The following XRCC4 variants were observed in gnomAD, a reference collection of about 807,000 sequenced individuals.
XRCC4 encodes X-ray repair cross complementing 4, also known as DNA repair protein XRCC4.
Under a neutral mutation model 39.1 loss-of-function variants are expected in XRCC4, and 28 were observed. That is an observed-to-expected ratio of 0.72 (90% CI 0.53 to 0.98). XRCC4 has a LOEUF of 0.98. Among genes scored for constraint, XRCC4 ranks in the 50% least tolerant of loss-of-function variants. The pLI is 0.00. For synonymous variants in XRCC4, 123 were observed against 126.4 expected (o/e 0.97, Z 0.18); for missense variants, 350 against 376.4 (o/e 0.93, Z 0.58).
intron 7 of XRCC4, among the ~76,000 whole-genome samples, chr5:83,284,618 G>A (rs1204407704): frequency 6.6e-6 from 1 of 151,980 alleles, no homozygotes; most frequent in Non-Finnish European, 1.5e-5. Flanking sequence ...GAGCATAGAA[G>A]CTCATAGATG....
At chr5:83,334,073 C>G (rs915175899) in intron 7 of XRCC4, among the ~76,000 whole-genome samples, 3 of 151,922 alleles carry the variant, frequency 2.0e-5, no homozygotes, top group African/African-American at 7.2e-5. Flanking sequence ...CAGCCTAAAC[C>G]TTTTTTTTCT....
intron 7 of XRCC4, among the ~76,000 whole-genome samples, chr5:83,302,644 G>T (rs945360791): frequency 6.6e-6 from 1 of 152,142 alleles, no homozygotes; most frequent in Non-Finnish European, 1.5e-5. Flanking sequence ...CGGCCATCTT[G>T]CCTGGAAACC....
rs527482531 is a variant in XRCC4 at position 83,170,295 on chromosome 5, A to G, written c.316-25475A>G. Among the ~76,000 whole-genome samples the G allele has an allele frequency of 2.6e-5, 4 of 152,320 alleles. No homozygotes were observed. In the South Asian group the frequency reaches 6.2e-4, roughly 24 times the overall value. ...TTTACTATGTAATTTAAAATTTTATATAACACCAGTAGTTATTTCTCTTTG... is the reference window on the plus strand; with the variant it reads ...TTTACTATGTAATTTAAAATTTTATGTAACACCAGTAGTTATTTCTCTTTG... On this transcript the variant is annotated intron_variant, in intron 3 of 7. Transcript: ENST00000396027.
chr5:83,171,793 A>G (rs1272627686), intron 3 of XRCC4, among the ~76,000 whole-genome samples: 1 of 152,124 alleles, frequency 6.6e-6, no homozygotes, highest in African/African-American at 2.4e-5. Context: ...ACATGATTGC[A>G]TTTCAGTTTC....
At chr5:83,087,359 C>G (rs1745229449) in intron 1 of XRCC4, among the ~76,000 whole-genome samples, 1 of 150,772 alleles carries the variant, frequency 6.6e-6, no homozygotes, top group Admixed American at 6.6e-5. Context: ...ATAACAACAG[C>G]CCTATAAAAT....
chr5:83,323,013 T>G lies in XRCC4; in HGVS notation c.894-30118T>G, dbSNP rs567327719. Among the ~76,000 whole-genome samples, 15 of 152,242 alleles carry G rather than the reference T, an allele frequency of 9.9e-5. No individual in the cohort carries two copies. In the South Asian group the frequency reaches 3.1e-3, roughly 32 times the overall value. Reference sequence around the variant, plus strand: ...CAAACACAAAAAATAATTGTTATAGTACAGCAAGAGCCCTATTCGAAGTAT... The same window carrying G: ...CAAACACAAAAAATAATTGTTATAGGACAGCAAGAGCCCTATTCGAAGTAT... On this transcript the variant is annotated intron_variant, in intron 7 of 7. Coordinates refer to ENST00000396027, the MANE Select transcript of XRCC4 (RefSeq NM_003401.5).
intron 7 of XRCC4, chr5:83,310,683 G>A (rs564279157): frequency 2.6e-4 from 109 of 418,974 alleles, no homozygotes; most frequent in African/African-American, 1.5e-3. Context: ...TAGCTTTTAC[G>A]GTAAAACGTA....
intron 1 of XRCC4, among the ~76,000 whole-genome samples, chr5:83,089,918 G>C: frequency 6.6e-6 from 1 of 152,158 alleles, no homozygotes; most frequent in Non-Finnish European, 1.5e-5. Flanking sequence ...CTTAGGAACA[G>C]CCAAATGAGA....
At chr5:83,135,926 C>G (rs114441307) in intron 3 of XRCC4, among the ~76,000 whole-genome samples, 2,379 of 152,002 alleles carry the variant, frequency 0.016, 61 homozygotes, top group African/African-American at 0.053. Context: ...TCTTTGCATG[C>G]CTGTTTATCT....
At chr5:83,354,080 TAAC>T (rs939836140), downstream of XRCC4, among the ~76,000 whole-genome samples, 43 of 152,200 alleles carry the variant, frequency 2.8e-4, no homozygotes, top group African/African-American at 9.4e-4. Flanking sequence ...TACTCAAAGT[TAAC>T]AACATCAGAG....
At chr5:83,233,086 G>A (rs1233392918) in intron 6 of XRCC4, among the ~76,000 whole-genome samples, 2 of 152,140 alleles carry the variant, frequency 1.3e-5, no homozygotes, top group East Asian at 3.9e-4. Context: ...GAACTGACAA[G>A]AGTTAATGTA....
intron 3 of XRCC4, among the ~76,000 whole-genome samples, chr5:83,170,668 C>G (rs763115162): frequency 1.3e-5 from 2 of 152,168 alleles, no homozygotes; most frequent in African/African-American, 2.4e-5. Flanking sequence ...ATTCCCACTC[C>G]TCATGAAGAA....
chr5:83,342,897 T>G (rs1262184458), intron 7 of XRCC4, among the ~76,000 whole-genome samples: 2 of 152,152 alleles, frequency 1.3e-5, no homozygotes, highest in Non-Finnish European at 2.9e-5. Flanking sequence ...ATTTAAGAAG[T>G]GTTTCCATAA....
In XRCC4 at chr5:83,238,891, ATAGT is replaced by A. The variant is rs140947784; in HGVS notation, c.746-19635_746-19632del. On this transcript the variant is annotated intron_variant, in intron 6 of 7. Transcript: ENST00000396027. ...ATAATGTCAACTTTTCCTTTAAGAA[ATAGT>A]TAGCTGCTAGAAGACCACAAATGAG... Among the ~76,000 whole-genome samples the A allele has an allele frequency of 3.5e-3, 531 of 152,346 alleles. 3 individuals are homozygous for A. Among genetic ancestry groups the A allele is most frequent in the African/African-American group, 0.012 (515 of 41,584 alleles).
At chr5:83,131,477 G>A (rs992925507) in intron 3 of XRCC4, among the ~76,000 whole-genome samples, 1 of 152,122 alleles carries the variant, frequency 6.6e-6, no homozygotes, top group Non-Finnish European at 1.5e-5. Context: ...TGACAGTGGG[G>A]TGTTAAAGTC....
chr5:83,284,741 C>A (rs1054877608), intron 7 of XRCC4, among the ~76,000 whole-genome samples: 3 of 152,022 alleles, frequency 2.0e-5, no homozygotes, highest in Admixed American at 6.6e-5. Context: ...TCCAAGGAAG[C>A]ATTCACATTT....
intron 7 of XRCC4, among the ~76,000 whole-genome samples, chr5:83,302,440 G>T (rs112377178): frequency 6.6e-6 from 1 of 152,088 alleles, no homozygotes; most frequent in African/African-American, 2.4e-5. Context: ...CTTGGCTAGC[G>T]GAGGGAGTTC....
At chr5:83,151,660 A>C (rs1321544751) in intron 3 of XRCC4, among the ~76,000 whole-genome samples, 1 of 152,164 alleles carries the variant, frequency 6.6e-6, no homozygotes, top group East Asian at 1.9e-4. Context: ...ATAAATAAAT[A>C]AATGAATAAA....
intron 3 of XRCC4, among the ~76,000 whole-genome samples, chr5:83,184,476 A>C (rs1308116635): frequency 6.6e-6 from 1 of 152,076 alleles, no homozygotes; most frequent in Non-Finnish European, 1.5e-5. Flanking sequence ...AAGGAGCTAG[A>C]ATTTTATAGT....
Sources: gnomAD v4.1 joint callset for allele counts (sites outside exome capture counted in the v4.1 genomes callset) on GRCh38, gnomAD v4.1.1 for gene constraint, MANE v1.5 for transcripts, NCBI Gene and HGNC (gene_info 2026-07-23, HGNC 2026-07-21) for gene names.